The following ERF variants were observed in gnomAD, a reference collection of about 807,000 sequenced individuals.
ERF encodes the protein ETS2 repressor factor, also known as ETS domain-containing transcription factor ERF.
A neutral mutation model predicts 41.6 loss-of-function variants in ERF; 10 were observed. The ratio of observed to expected loss-of-function variants is 0.24; its 90% CI spans 0.15 to 0.41. The LOEUF is 0.41. Among genes scored for constraint, ERF ranks in the 10% least tolerant of loss-of-function variants. The pLI, the probability that ERF is intolerant of heterozygous loss-of-function variation, is 1.00. For synonymous variants in ERF, 395 were observed against 342.4 expected (o/e 1.15, Z -1.70); for missense variants, 621 against 763.2 (o/e 0.81, Z 2.19).
chr19:42,251,686 T>A (rs148577556), intron 1 of ERF, among the ~76,000 whole-genome samples: 1 of 152,064 alleles, frequency 6.6e-6, no homozygotes, highest in South Asian at 2.1e-4. Context: ...CCGCCTCCCT[T>A]GGCCCCAGCT....
intron 1 of ERF, chr19:42,251,394 G>A (rs2036442575): frequency 6.1e-6 from 6 of 977,984 alleles, no homozygotes; most frequent in Non-Finnish European, 7.2e-6. Flanking sequence ...TTAACCTTGG[G>A]TAGAGGTTGG....
chr19:42,253,859 AGCCGCCGCCGCCGCCGCC>A (rs528615990), intron 1 of ERF: 15 of 1,064,222 alleles, frequency 1.4e-5, no homozygotes, highest in African/African-American at 3.5e-5. Context: ...CAGGAGCCCG[AGCCGCCGCCGCCGCCGCC>A]GCCGCCGCCG....
intron 1 of ERF, 52 bp downstream of exon 1, chr19:42,254,922 CCGTT>C (rs1040420788): frequency 1.8e-5 from 27 of 1,512,426 alleles, no homozygotes; most frequent in African/African-American, 4.4e-5. Context: ...CAAAGTTTCT[CCGTT>C]CGGTTTCCCG....
chr19:42,253,774 G>GGGGATGGGAAT, intron 1 of ERF: 3 of 709,588 alleles, frequency 4.2e-6, no homozygotes, highest in Non-Finnish European at 5.2e-6. Context: ...GCAGGGGGAT[G>GGGGATGGGAAT]GGGATGGGAA....
chr19:42,250,272 G>A lies in ERF; in HGVS notation c.257+59C>T. ...CAATGCTTGTTCCCACAGGCAAGGG[G>A]CTGTGCAACCCCGGGGGGGCACTCC... On this transcript the variant is annotated intron_variant, in intron 2 of 3. Transcript: ENST00000222329. This position sits in a 1 kb window ranked among gnomAD's most constrained non-coding sequence, Gnocchi z 5.1. 6.4e-7 allele frequency: 1 copy of A among 1,567,816 alleles called. No individual in the cohort carries two copies.
Position 42,248,872 on chromosome 19 carries a change from C to T in ERF, c.1240G>A (p.Gly414Arg). 1 of 1,608,432 alleles carries T rather than the reference C, an allele frequency of 6.2e-7. No individual in the cohort carries two copies. The highest frequency in any genetic ancestry group is 8.5e-7 in the Non-Finnish European group (1 of 1,178,690). Residue 414 changes from glycine to arginine, a missense_variant, in exon 4 of 4, where the codon GGG becomes AGG. Physicochemically the swap from Gly to Arg is moderately radical, Grantham distance 125. Transcript: ENST00000222329. This position sits in a 1 kb window ranked among gnomAD's most constrained non-coding sequence, Gnocchi z 4.2. The part of the protein sequence containing the change: ...GSAGGLAEGA[G>R]ALAPPPPPPQ... The stretch of plus-strand genomic sequence containing the variant: ...GGCGGGGGCGGTGGGGCTAGCGCCC[C>T]TGCCCCCTCAGCCAGCCCGCCTGCA...
At chr19:42,251,345 C>T in intron 1 of ERF, 1 of 985,840 alleles carries the variant, frequency 1.0e-6, no homozygotes, top group Non-Finnish European at 1.2e-6. Flanking sequence ...TTCTCATCTT[C>T]AGCTCCTTCC....
At chr19:42,254,913 A>C (rs1407688214) in intron 1 of ERF, 65 bp downstream of exon 1, 8 of 1,485,326 alleles carry the variant, frequency 5.4e-6, no homozygotes, top group Non-Finnish European at 6.3e-6. Flanking sequence ...CAGCCCCCCC[A>C]AAGTTTCTCC....
intron 1 of ERF, 196 bp downstream of exon 1, chr19:42,254,782 C>T (rs542161196): frequency 6.7e-5 from 37 of 552,170 alleles, no homozygotes; most frequent in Admixed American, 8.9e-5. Context: ...ACCACTCCGC[C>T]CGGAGCCAGG....
In ERF at chr19:42,249,644, G is replaced by C; in HGVS notation, c.468C>G (p.Thr156=). The C allele has an allele frequency of 6.2e-7, 1 of 1,610,376 alleles. No homozygotes were observed. Among genetic ancestry groups the C allele is most frequent in the Non-Finnish European group, 8.5e-7 (1 of 1,178,280 alleles). ...PSTPSEVLSP[T]EDPRSPPACS... ...AGGCTGGTGGTGAGCGGGGGTCCTC[G>C]GTGGGGGACAGCACCTCGGAGGGCG... Residue 156 remains threonine (T), a synonymous_variant, in exon 4 of 4, where the codon ACC becomes ACG. Transcript: ENST00000222329. This position sits in a 1 kb window ranked among gnomAD's most constrained non-coding sequence, Gnocchi z 8.6.
intron 1 of ERF, chr19:42,254,655 G>A: frequency 3.9e-6 from 1 of 254,300 alleles, no homozygotes; most frequent in Non-Finnish European, 7.5e-6. Context: ...CCCCCAGAGT[G>A]CAACGTGACA....
chr19:42,252,165 A>C (rs930740840), intron 1 of ERF, among the ~76,000 whole-genome samples: 4 of 152,144 alleles, frequency 2.6e-5, no homozygotes, highest in African/African-American at 9.7e-5. Flanking sequence ...AACCCAGGTG[A>C]CCCAGCCACC....
Position 42,250,569 on chromosome 19 carries a change from G to C in ERF, c.23-4C>G, listed in dbSNP as rs746916094. The C allele has an allele frequency of 1.2e-5, 19 of 1,612,524 alleles. No homozygotes were observed. Among genetic ancestry groups the C allele is most frequent in the Admixed American group, 1.7e-5 (1 of 59,962 alleles). Reference sequence around the variant, plus strand: ...GCCCAATCCGGGAAGGCAAACCCTGGGGACGGGAGGCAGGGAGTGGCCTGG... The same window carrying C: ...GCCCAATCCGGGAAGGCAAACCCTGCGGACGGGAGGCAGGGAGTGGCCTGG... On this transcript the variant is annotated splice_polypyrimidine_tract_variant and splice_region_variant and intron_variant, in intron 1 of 3. Transcript: ENST00000222329. The surrounding 1 kb of genome is among the most constrained non-coding windows in gnomAD (Gnocchi z 5.1).
rs751388026 is a variant in ERF at position 42,248,905 on chromosome 19, C to T, written c.1207G>A (p.Gly403Ser). ...TCAGCCAGCCCGCCTGCACTGCCAC[C>T]GCTCTTGTCAGCACCGGCTACGGCC... ...EKAVAGADKS[G>S]GSAGGLAEGA... The change falls in exon 4 of 4, where the codon GGT (glycine) becomes AGT (serine). Residue 403 changes from glycine (G) to serine (S), a missense_variant. Gly to Ser is a moderately conservative substitution (Grantham distance 56, BLOSUM62 0). Transcript: ENST00000222329. This position sits in a 1 kb window ranked among gnomAD's most constrained non-coding sequence, Gnocchi z 4.2. 92 of 1,607,664 alleles carry T rather than the reference C, an allele frequency of 5.7e-5. No homozygotes were observed. The South Asian group carries it at 8.6e-4, about 15-fold the overall frequency.
rs1455599534 is a variant in ERF at position 42,248,568 on chromosome 19, C to G, written c.1544G>C (p.Gly515Ala). 3 of 1,574,972 alleles carry G rather than the reference C, an allele frequency of 1.9e-6. No homozygotes were observed. Among genetic ancestry groups the G allele is most frequent in the Admixed American group, 1.8e-5 (1 of 54,340 alleles). ...CCCCCCAGCCTCCCCAGGCCCCTCC[C>G]CACGCACCTTCTTGTCCTCACCCTC... ...EDEGEDKKVR[G>A]EGPGEAGGPL... is the part of the protein sequence containing the mutation. Residue 515 changes from glycine to alanine, a missense_variant, in exon 4 of 4, where the codon GGG (glycine) becomes GCG (alanine). Physicochemically the swap from Gly to Ala is moderately conservative, Grantham distance 60 (BLOSUM62 0). Transcript: ENST00000222329. The surrounding 1 kb of genome is among the most constrained non-coding windows in gnomAD (Gnocchi z 4.2).
chr19:42,254,223 G>T (rs563540039), intron 1 of ERF, among the ~76,000 whole-genome samples: 3 of 151,634 alleles, frequency 2.0e-5, no homozygotes, highest in Admixed American at 6.6e-5. Context: ...GATCCGGGAG[G>T]GGGGGCGAGG....
chr19:42,252,944 G>A (rs1026880577), intron 1 of ERF, among the ~76,000 whole-genome samples: 2 of 152,164 alleles, frequency 1.3e-5, no homozygotes, highest in Admixed American at 1.3e-4. Context: ...GGCAGGGAGA[G>A]AGCAGGCACA....
chr19:42,248,304 TA>T lies in ERF; in HGVS notation c.*160del, dbSNP rs1386563367. 2.6e-5 allele frequency: 16 copies of T among 614,796 alleles called. No homozygotes were observed. Among genetic ancestry groups the T allele is most frequent in the Non-Finnish European group, 3.0e-5 (13 of 427,414 alleles). The allele number at this position is 614,796 out of a possible 1,614,324, so 38.1% of individuals were successfully genotyped here. On this transcript the variant is annotated 3_prime_UTR_variant, in exon 4 of 4. Coordinates refer to ENST00000222329, the MANE Select transcript of ERF (RefSeq NM_006494.4). The surrounding 1 kb of genome is among the most constrained non-coding windows in gnomAD (Gnocchi z 4.2). The stretch of plus-strand genomic sequence containing the variant: ...GGCACCCACCCACCCCCACCATTTT[TA>T]AAAAAAAGAAATTAAAGTTTTATAC...
intron 1 of ERF, chr19:42,253,979 A>AG: frequency 1.0e-6 from 1 of 1,000,628 alleles, no homozygotes; most frequent in South Asian, 3.6e-5. Context: ...GTAGACGGGC[A>AG]GGGGGCGGCT....
Sources: allele counts gnomAD v4.1 joint callset (sites outside exome capture counted in the v4.1 genomes callset), GRCh38; gene constraint gnomAD v4.1.1; non-coding constraint Gnocchi (gnomAD v3.1); transcripts MANE v1.5; gene names NCBI Gene and HGNC (gene_info 2026-07-23, HGNC 2026-07-21).